DIAPH3: variants seen among roughly 807,000 people sequenced by gnomAD.
DIAPH3 encodes the protein diaphanous related formin 3, also known as protein diaphanous homolog 3.
A neutral mutation model predicts 144.3 loss-of-function variants in DIAPH3; 117 were observed. The ratio of observed to expected loss-of-function variants is 0.81; its 90% CI spans 0.70 to 0.95. The LOEUF (loss-of-function observed/expected upper bound fraction) is 0.95, where lower values mean the gene tolerates loss of function less well. DIAPH3 is among the 40% of genes least tolerant of loss of function. The probability of loss-of-function intolerance (pLI) is 0.00; values close to 1 mark genes in which losing one functional copy is unlikely to be tolerated. For synonymous variants in DIAPH3, 519 were observed against 488.9 expected, an observed-to-expected ratio of 1.06 and a Z score of -0.81; for missense variants, 1,421 against 1,412.7, an observed-to-expected ratio of 1.01 and a Z score of -0.09.
At chr13:59,780,067 T>C (rs1189195258) in intron 25 of DIAPH3, among the ~76,000 whole-genome samples, 4 of 151,764 alleles carry the variant, frequency 2.6e-5, no homozygotes, top group Non-Finnish European at 5.9e-5. Context: ...CCCATGCATA[T>C]GGTACTGTGT....
intron 20 of DIAPH3, among the ~76,000 whole-genome samples, chr13:59,884,810 C>T (rs967297744): frequency 1.4e-5 from 2 of 147,142 alleles, no homozygotes; most frequent in African/African-American, 5.0e-5. Flanking sequence ...ATTCAAGTGA[C>T]TTATGCCTGA....
intron 17 of DIAPH3, among the ~76,000 whole-genome samples, chr13:59,928,941 G>A (rs1338009611): frequency 6.6e-6 from 1 of 152,184 alleles, no homozygotes; most frequent in African/African-American, 2.4e-5. Context: ...CACTGGAGGT[G>A]GCGAGGTCGC....
intron 18 of DIAPH3, among the ~76,000 whole-genome samples, 161 bp downstream of exon 18, chr13:59,924,614 T>A (rs2047671720): frequency 1.3e-5 from 2 of 151,980 alleles, no homozygotes; most frequent in Non-Finnish European, 2.9e-5. Context: ...TTGAAGCATT[T>A]AATCCCATAA....
chr13:60,111,546 A>G (rs1349873547), intron 3 of DIAPH3, among the ~76,000 whole-genome samples: 1 of 152,184 alleles, frequency 6.6e-6, no homozygotes, highest in African/African-American at 2.4e-5. Flanking sequence ...CAGCAGTGGC[A>G]TTACATTCTC....
At chr13:59,697,491 AAAG>A (rs56798577) in intron 27 of DIAPH3, among the ~76,000 whole-genome samples, 7 of 78,020 alleles carry the variant, frequency 9.0e-5, no homozygotes, top group African/African-American at 1.3e-4. Flanking sequence ...AAAAAAAAAA[AAAG>A]AAGAGGGGAT....
chr13:60,136,127 C>A (rs769677292), intron 1 of DIAPH3, among the ~76,000 whole-genome samples: 3 of 152,090 alleles, frequency 2.0e-5, no homozygotes. Flanking sequence ...TCAGATAATT[C>A]TATGGGGTTT....
intron 24 of DIAPH3, among the ~76,000 whole-genome samples, chr13:59,826,544 A>C (rs2041436871): frequency 6.7e-6 from 1 of 149,508 alleles, no homozygotes; most frequent in East Asian, 2.0e-4. Context: ...ATACAAACAA[A>C]TGGAAGAACA....
intron 1 of DIAPH3, among the ~76,000 whole-genome samples, chr13:60,161,653 A>G (rs1484266018): frequency 1.3e-5 from 2 of 152,224 alleles, no homozygotes; most frequent in African/African-American, 2.4e-5. Flanking sequence ...TGAGCTTACA[A>G]AGATAAATAC....
chr13:59,755,596 T>G (rs2037215645), intron 27 of DIAPH3, among the ~76,000 whole-genome samples: 1 of 152,114 alleles, frequency 6.6e-6, no homozygotes, highest in South Asian at 2.1e-4. Flanking sequence ...AAGCCACAGA[T>G]GAAACAATCT....
intron 27 of DIAPH3, among the ~76,000 whole-genome samples, chr13:59,702,709 T>C (rs2034178955): frequency 6.6e-6 from 1 of 152,222 alleles, no homozygotes; most frequent in Admixed American, 6.5e-5. Flanking sequence ...TATACAGTTA[T>C]ATTCTTTATC....
At chr13:59,893,404 C>T (rs1225075966) in intron 20 of DIAPH3, among the ~76,000 whole-genome samples, 1 of 152,050 alleles carries the variant, frequency 6.6e-6, no homozygotes, top group Non-Finnish European at 1.5e-5. Context: ...TGGCTAAATC[C>T]TCTGAACTTG....
chr13:59,984,701 C>T (rs1044366370), intron 12 of DIAPH3, among the ~76,000 whole-genome samples: 2 of 142,510 alleles, frequency 1.4e-5, no homozygotes, highest in Non-Finnish European at 3.1e-5. Context: ...CACCTCTACG[C>T]AAATAAACTA....
At chr13:59,955,741 C>T (rs539061480) in intron 17 of DIAPH3, among the ~76,000 whole-genome samples, 10 of 152,210 alleles carry the variant, frequency 6.6e-5, no homozygotes, top group South Asian at 4.2e-4. Flanking sequence ...TGGGAAAGTT[C>T]GGAACTTCCT....
intron 18 of DIAPH3, among the ~76,000 whole-genome samples, chr13:59,919,020 T>A (rs1318986531): frequency 1.3e-5 from 2 of 148,660 alleles, no homozygotes; most frequent in African/African-American, 5.0e-5. Flanking sequence ...TACTAAAATA[T>A]ACAAGGTACA....
At chr13:59,781,108 A>G in intron 25 of DIAPH3, among the ~76,000 whole-genome samples, 1 of 152,198 alleles carries the variant, frequency 6.6e-6, no homozygotes, top group Non-Finnish European at 1.5e-5. Flanking sequence ...GTACAACCTG[A>G]AATTTTAAAT....
At chr13:59,925,270 T>G (rs2047699470) in intron 17 of DIAPH3, among the ~76,000 whole-genome samples, 1 of 152,172 alleles carries the variant, frequency 6.6e-6, no homozygotes, top group African/African-American at 2.4e-5. Context: ...GCTCTAAGAA[T>G]GCTAACTAAA....
At chr13:59,877,622 CT>C (rs1291384573) in intron 21 of DIAPH3, among the ~76,000 whole-genome samples, 1 of 152,120 alleles carries the variant, frequency 6.6e-6, no homozygotes, top group African/African-American at 2.4e-5. Flanking sequence ...GCTTAACCTT[CT>C]TCCATACTGC....
chr13:59,708,518 C>CA (rs2034552593), intron 27 of DIAPH3, among the ~76,000 whole-genome samples: 8 of 152,298 alleles, frequency 5.3e-5, no homozygotes, highest in Admixed American at 5.2e-4. Flanking sequence ...GCAGACGGGA[C>CA]ACAGTTGTCA....
intron 27 of DIAPH3, among the ~76,000 whole-genome samples, chr13:59,717,794 C>T (rs1473428312): frequency 2.0e-5 from 3 of 151,740 alleles, no homozygotes; most frequent in Non-Finnish European, 2.9e-5. Context: ...TTCCATTCTA[C>T]CCCACTCAAA....
Sources: gnomAD v4.1 joint callset for allele counts (sites outside exome capture counted in the v4.1 genomes callset) on GRCh38, gnomAD v4.1.1 for gene constraint, MANE v1.5 for transcripts, NCBI Gene and HGNC (gene_info 2026-07-23, HGNC 2026-07-21) for gene names.